Variants in ENOX1 observed in about 807,000 individuals in gnomAD.
The protein encoded by ENOX1 is candidate growth-related and time keeping constitutive hydroquinone (NADH) oxidase.
A neutral mutation model predicts 82.5 loss-of-function variants in ENOX1; 42 were observed. The observed-to-expected ratio is 0.51, with a 90% CI of 0.40 to 0.66. The LOEUF is 0.66. ENOX1 is among the 30% of genes least tolerant of loss of function. The pLI, the probability that ENOX1 is intolerant of heterozygous loss-of-function variation, is 0.00. For synonymous variants in ENOX1, 271 were observed against 282.2 expected (o/e 0.96, Z 0.40); for missense variants, 608 against 811.6 (o/e 0.75, Z 3.05).
chr13:43,515,773 G>A (rs2077537192), intron 2 of ENOX1, among the ~76,000 whole-genome samples: 1 of 152,172 alleles, frequency 6.6e-6, no homozygotes, highest in Non-Finnish European at 1.5e-5. Flanking sequence ...GGAAATCTTT[G>A]CTCTGAGCTT....
intron 1 of ENOX1, among the ~76,000 whole-genome samples, chr13:43,711,895 T>C (rs1157625418): frequency 6.8e-6 from 1 of 147,138 alleles, no homozygotes; most frequent in Non-Finnish European, 1.5e-5. Flanking sequence ...GATGGTAGTT[T>C]CTTTTGCTGT....
chr13:43,644,095 A>G (rs1007244201), intron 2 of ENOX1, among the ~76,000 whole-genome samples: 6 of 152,184 alleles, frequency 3.9e-5, no homozygotes, highest in Non-Finnish European at 8.8e-5. Flanking sequence ...AATTAGTTTT[A>G]AAATATTCAG....
intron 1 of ENOX1, among the ~76,000 whole-genome samples, chr13:43,700,015 G>A (rs527574524): frequency 6.6e-6 from 1 of 152,160 alleles, no homozygotes; most frequent in African/African-American, 2.4e-5. Flanking sequence ...TCACCCTACT[G>A]TACTACAAAA....
In ENOX1 at chr13:43,259,810, G is replaced by A. The variant is rs7317722; in HGVS notation, c.1611+5588C>T. Among the ~76,000 whole-genome samples the A allele has an allele frequency of 3.4e-3, 525 of 152,220 alleles. 1 individual carries two copies. The highest frequency in any genetic ancestry group is 0.012 in the African/African-American group (500 of 41,538). On this transcript the variant is annotated intron_variant, in intron 14 of 16. Transcript: ENST00000690772. ...TTGATAGAGCTGTGGGTTGGGGTGA[G>A]GAAGGTGTGAAACCTTATATTTGTC... is the stretch of plus-strand genomic sequence containing the variant.
At chr13:43,393,797 G>C (rs1005631326) in intron 5 of ENOX1, among the ~76,000 whole-genome samples, 1 of 152,180 alleles carries the variant, frequency 6.6e-6, no homozygotes, top group Non-Finnish European at 1.5e-5. Context: ...GTTTGGATGT[G>C]TGTCCCCTCC....
intron 8 of ENOX1, among the ~76,000 whole-genome samples, chr13:43,348,329 A>G (rs1441680641): frequency 6.6e-6 from 1 of 152,244 alleles, no homozygotes; most frequent in Non-Finnish European, 1.5e-5. Context: ...TTGAGGGGCT[A>G]ATATGAGAAT....
intron 1 of ENOX1, among the ~76,000 whole-genome samples, chr13:43,725,684 C>T (rs544131486): frequency 2.6e-5 from 4 of 151,994 alleles, no homozygotes; most frequent in Non-Finnish European, 4.4e-5. Flanking sequence ...AGATAGTTTT[C>T]GCCTGGCACG....
chr13:43,664,541 AG>A, intron 2 of ENOX1, among the ~76,000 whole-genome samples: 1 of 152,250 alleles, frequency 6.6e-6, no homozygotes, highest in Non-Finnish European at 1.5e-5. Flanking sequence ...CCCTACCTGC[AG>A]CCAGCAAGGG....
chr13:43,659,211 G>A (rs1029117877), intron 2 of ENOX1, among the ~76,000 whole-genome samples: 5 of 152,050 alleles, frequency 3.3e-5, no homozygotes, highest in East Asian at 3.9e-4. Flanking sequence ...TCTTCTGGCC[G>A]GGCACTGTGG....
intron 2 of ENOX1, among the ~76,000 whole-genome samples, chr13:43,632,162 T>C (rs2083244094): frequency 6.6e-6 from 1 of 152,210 alleles, no homozygotes; most frequent in Non-Finnish European, 1.5e-5. Context: ...ATATTAACCC[T>C]ATGTCTATGT....
chr13:43,636,052 G>T (rs1438147398), intron 2 of ENOX1, among the ~76,000 whole-genome samples: 1 of 152,136 alleles, frequency 6.6e-6, no homozygotes, highest in African/African-American at 2.4e-5. Context: ...CATTCCTAGA[G>T]TGGGGACCAA....
chr13:43,480,392 A>G (rs1264706490), intron 3 of ENOX1, among the ~76,000 whole-genome samples: 1 of 152,242 alleles, frequency 6.6e-6, no homozygotes, highest in Non-Finnish European at 1.5e-5. Flanking sequence ...AGTGAAATGT[A>G]GGGAACTTAA....
chr13:43,289,146 A>T (rs2045864783), intron 12 of ENOX1, among the ~76,000 whole-genome samples: 1 of 152,216 alleles, frequency 6.6e-6, no homozygotes, highest in Non-Finnish European at 1.5e-5. Flanking sequence ...CATACTGCCA[A>T]AGGAATTTAC....
rs1418960047 is a variant in ENOX1, at chr13:43,713,704, G to A, written c.-284-46160C>T. On this transcript the variant is annotated intron_variant, in intron 1 of 16. Transcript: ENST00000690772. ...AGATTTTCTAGTTTATTTGCATAGA[G>A]GTGTTTGTAGTATTCTCTGATGGTA... is the stretch of plus-strand genomic sequence containing the variant. Among the ~76,000 whole-genome samples the A allele has an allele frequency of 5.9e-5, 9 of 151,990 alleles. No homozygotes were observed. The East Asian group carries it at 1.2e-3, about 20-fold the overall frequency.
At chr13:43,508,196 G>A (rs1358194975) in intron 2 of ENOX1, among the ~76,000 whole-genome samples, 1 of 152,032 alleles carries the variant, frequency 6.6e-6, no homozygotes, top group South Asian at 2.1e-4. Flanking sequence ...CCATCCTCAT[G>A]AATGGATCAG....
At chr13:43,322,796 T>C (rs191561535) in intron 10 of ENOX1, among the ~76,000 whole-genome samples, 2 of 152,254 alleles carry the variant, frequency 1.3e-5, no homozygotes, top group East Asian at 1.9e-4. Context: ...ATCCACCTAA[T>C]AGGGCTGCAA....
intron 2 of ENOX1, among the ~76,000 whole-genome samples, chr13:43,492,499 C>G (rs1409924815): frequency 1.3e-5 from 2 of 152,196 alleles, no homozygotes; most frequent in African/African-American, 2.4e-5. Context: ...AAACTTAACT[C>G]AGGTCACTTC....
At chr13:43,717,927 A>G (rs1310863083) in intron 1 of ENOX1, among the ~76,000 whole-genome samples, 2 of 152,174 alleles carry the variant, frequency 1.3e-5, no homozygotes, top group East Asian at 3.8e-4. Flanking sequence ...ACATATACAC[A>G]ATGGTGGGAA....
intron 1 of ENOX1, among the ~76,000 whole-genome samples, chr13:43,758,341 C>A (rs1447301268): frequency 6.6e-6 from 1 of 152,080 alleles, no homozygotes; most frequent in Non-Finnish European, 1.5e-5. Context: ...TTAGATAAAT[C>A]TCCAGGTAGT....
Sources: gnomAD v4.1 joint callset for allele counts (sites outside exome capture counted in the v4.1 genomes callset) on GRCh38, gnomAD v4.1.1 for gene constraint, MANE v1.5 for transcripts, NCBI Gene and HGNC (gene_info 2026-07-23, HGNC 2026-07-21) for gene names.